Variants in EP400 observed in about 807,000 individuals in gnomAD.
The protein encoded by EP400 is E1A-binding protein p400.
In EP400, 105 loss-of-function variants were observed where a neutral mutation model predicts 354.1. That is an observed-to-expected ratio of 0.30 (90% confidence interval 0.25 to 0.35). The LOEUF (loss-of-function observed/expected upper bound fraction) is 0.35. Among genes scored for constraint, EP400 ranks in the 10% least tolerant of loss-of-function variants. The pLI, the probability that EP400 is intolerant of heterozygous loss-of-function variation, is 1.00. For synonymous variants in EP400, 1,646 were observed against 1,716.9 expected, an observed-to-expected ratio of 0.96 and a Z score of 1.02; for missense variants, 3,280 against 4,121.0, an observed-to-expected ratio of 0.80 and a Z score of 5.59.
chr12:132,024,939 G>A (rs909515653), intron 24 of EP400, among the ~76,000 whole-genome samples: 1 of 152,084 alleles, frequency 6.6e-6, no homozygotes, highest in Non-Finnish European at 1.5e-5. Flanking sequence ...CACTTGTCAG[G>A]GTGGAGGGTT....
In EP400 at chr12:132,052,941, C is replaced by A. The variant is rs1895352912; in HGVS notation, c.7395-205C>A. On this transcript the variant is annotated intron_variant, in intron 41 of 52. Transcript: ENST00000389561. The surrounding 1 kb of genome is among the most constrained non-coding windows in gnomAD (Gnocchi z 4.4). ...CCTGGAGAGTGGGAGAGCTCGGCCT[C>A]AAGGAAGAGGACTCAGCGCCAGGCT... 6.6e-6 allele frequency among the ~76,000 whole-genome samples: 1 copy of A among 151,992 alleles called. No individual in the cohort carries two copies. Among genetic ancestry groups the A allele is most frequent in the Non-Finnish European group, 1.5e-5 (1 of 67,998 alleles).
At chr12:132,032,690 G>C (rs1593361189) in intron 30 of EP400, among the ~76,000 whole-genome samples, 1 of 151,662 alleles carries the variant, frequency 6.6e-6, no homozygotes, top group Non-Finnish European at 1.5e-5. Flanking sequence ...TAGTGCAGTG[G>C]CACGATCTTG....
rs777957786 is a variant in EP400 at position 132,053,474 on chromosome 12, G to T, written c.7605G>T (p.Pro2535=). The change falls in exon 43 of 53, where the codon CCG becomes CCT. Residue 2535 remains proline (P), a synonymous_variant. Coordinates refer to ENST00000389561, the MANE Select transcript of EP400 (RefSeq NM_015409.5). Reference sequence around the variant, plus strand: ...AACCACAGGCAGCGGGCAGCCAGCCGCCAGCAGGGCCACCAGCTGTCCAGC... The same window carrying T: ...AACCACAGGCAGCGGGCAGCCAGCCTCCAGCAGGGCCACCAGCTGTCCAGC... ...LPQPQAAGSQ[P]PAGPPAVQPQ... The T allele has an allele frequency of 1.4e-6, 2 of 1,457,848 alleles. No individual in the cohort carries two copies. Among genetic ancestry groups the T allele is most frequent in the Admixed American group, 2.1e-5 (1 of 46,614 alleles). 90.3% of individuals were successfully genotyped at this position (1,457,848 alleles called of 1,614,324 possible).
chr12:131,986,526 A>T lies in EP400; in HGVS notation c.1942A>T (p.Thr648Ser), dbSNP rs370531052. The change falls in exon 6 of 53, where the codon ACA (threonine) becomes TCA (serine). Residue 648 changes from threonine (T) to serine (S), a missense_variant. Around this residue, in one of 20 missense-constraint regions of EP400, gnomAD observed 800 missense variants for 840.0 expected, o/e 0.95. Coordinates refer to ENST00000389561, the MANE Select transcript of EP400 (RefSeq NM_015409.5). ...CCTGCCCTTACAGATGGTAGCATCG[A>T]CAAGGCTCCCTGTGGACCCTGCCCC... ...LSSLPQMVAS[T>S]RLPVDPAPPC... 3.7e-6 allele frequency: 6 copies of T among 1,604,596 alleles called. No individual in the cohort carries two copies. The highest frequency in any genetic ancestry group is 5.1e-6 in the Non-Finnish European group (6 of 1,174,480).
rs199695029 is a variant in EP400, at chr12:131,982,329, G to A, written c.1780G>A (p.Val594Met). Residue 594 changes from valine (V) to methionine (M), a missense_variant, in exon 5 of 53, where the codon GTG (valine) becomes ATG (methionine). By Grantham distance (21) the Val-to-Met change is conservative. This residue lies in a region of EP400 where 800 missense variants were observed against 840.0 expected (regional missense o/e 0.95). Transcript: ENST00000389561. ...GGCCCAGACACAGCTCCAAATCCCG[G>A]TGAAGACTCAGCAGCCCAATGTTCC... ...VEAQTQLQIPVKTQQPNVPIP... is the reference protein window; with the variant it reads ...VEAQTQLQIPMKTQQPNVPIP... 4.6e-5 allele frequency: 74 copies of A among 1,614,130 alleles called. No individual in the cohort carries two copies. The highest frequency in any genetic ancestry group is 5.3e-5 in the Non-Finnish European group (62 of 1,180,014).
chr12:132,032,033 C>T lies in EP400; in HGVS notation c.5835C>T (p.Asn1945=). The change falls in exon 30 of 53, where the codon AAC becomes AAT. Residue 1945 remains asparagine (N), a synonymous_variant. Coordinates refer to ENST00000389561, the MANE Select transcript of EP400 (RefSeq NM_015409.5). The part of the protein sequence containing the change: ...LSTHSRTTGI[N]LVEADTVVFY... ...CTCACAGCCGTACCACAGGTATAAACCTTGTAGAGGCGGACACCGTCGTGT... is the reference window on the plus strand; with the variant it reads ...CTCACAGCCGTACCACAGGTATAAATCTTGTAGAGGCGGACACCGTCGTGT... The T allele has an allele frequency of 2.8e-5, 46 of 1,614,236 alleles. No homozygotes were observed. The highest frequency in any genetic ancestry group is 3.9e-5 in the Non-Finnish European group (46 of 1,180,048).
intron 2 of EP400, among the ~76,000 whole-genome samples, chr12:131,977,503 GTT>G (rs761582396): frequency 1.4e-5 from 2 of 142,174 alleles, no homozygotes; most frequent in African/African-American, 5.1e-5. Flanking sequence ...CCTTTATCAA[GTT>G]TTTTTTTTTT....
intron 12 of EP400, among the ~76,000 whole-genome samples, chr12:131,996,621 A>T (rs917475594): frequency 6.6e-6 from 1 of 152,070 alleles, no homozygotes; most frequent in Non-Finnish European, 1.5e-5. Context: ...AAACAATTAC[A>T]TATATATATC....
chr12:132,014,659 C>T (rs1893868127), intron 19 of EP400, among the ~76,000 whole-genome samples: 1 of 152,192 alleles, frequency 6.6e-6, no homozygotes, highest in African/African-American at 2.4e-5. Flanking sequence ...GGCTTTGCTG[C>T]AGGGTTACCC....
chr12:132,012,683 C>G (rs1402366320), intron 16 of EP400, among the ~76,000 whole-genome samples: 4 of 152,120 alleles, frequency 2.6e-5, no homozygotes, highest in Non-Finnish European at 4.4e-5. Context: ...GCACACTTCC[C>G]CTTGTTTTGA....
intron 11 of EP400, among the ~76,000 whole-genome samples, chr12:131,993,452 G>T (rs1321158491): frequency 1.3e-5 from 2 of 152,182 alleles, no homozygotes; most frequent in Middle Eastern, 3.2e-3. Flanking sequence ...AAAGGATTAG[G>T]TCATTTCTTC....
At chr12:132,056,905 A>G (rs144421468) in intron 45 of EP400, among the ~76,000 whole-genome samples, 1 of 152,378 alleles carries the variant, frequency 6.6e-6, no homozygotes, top group African/African-American at 2.4e-5. Flanking sequence ...CCAAGAAGCT[A>G]GAAGAATAAC....
At chr12:132,060,337 C>T (rs1257708832) in intron 45 of EP400, among the ~76,000 whole-genome samples, 1 of 152,110 alleles carries the variant, frequency 6.6e-6, no homozygotes, top group Non-Finnish European at 1.5e-5. Context: ...TGAGCAGAGT[C>T]AATATTTGAA....
intron 12 of EP400, among the ~76,000 whole-genome samples, chr12:131,995,959 A>G (rs1208001704): frequency 1.3e-5 from 2 of 151,818 alleles, no homozygotes; most frequent in African/African-American, 4.8e-5. Flanking sequence ...GCTTGACTGA[A>G]TGTACCGTTC....
chr12:131,954,768 C>T (rs1308065163), intron 1 of EP400, among the ~76,000 whole-genome samples: 1 of 148,514 alleles, frequency 6.7e-6, no homozygotes, highest in Non-Finnish European at 1.5e-5. Flanking sequence ...TGGTGTGTGC[C>T]TATAGTCCCA....
intron 9 of EP400, 127 bp from the exon 10 acceptor site, chr12:131,991,280 G>A (rs969810519): frequency 4.8e-6 from 4 of 840,286 alleles, no homozygotes; most frequent in Admixed American, 3.8e-5. Flanking sequence ...TGATGAGGAG[G>A]CAGAACTCAC....
chr12:132,042,950 T>A (rs1894963450), intron 32 of EP400, among the ~76,000 whole-genome samples: 1 of 152,216 alleles, frequency 6.6e-6, no homozygotes, highest in African/African-American at 2.4e-5. Context: ...GTGGTGTGCA[T>A]CGGGTCTGAG....
intron 30 of EP400, among the ~76,000 whole-genome samples, chr12:132,032,905 A>C (rs1894570662): frequency 6.6e-6 from 1 of 152,158 alleles, no homozygotes; most frequent in South Asian, 2.1e-4. Flanking sequence ...CTGGGATTAC[A>C]GGCATGAGCC....
chr12:132,033,040 T>C (rs546031884), intron 30 of EP400, among the ~76,000 whole-genome samples: 1 of 152,122 alleles, frequency 6.6e-6, no homozygotes. Context: ...CTCCACCTCC[T>C]GGGTTCAAGC....
Sources: gnomAD v4.1 joint callset for allele counts (sites outside exome capture counted in the v4.1 genomes callset) on GRCh38, gnomAD v4.1.1 for gene constraint, gnomAD v4.1.1 regional missense constraint, Gnocchi (gnomAD v3.1) non-coding constraint, MANE v1.5 for transcripts, NCBI Gene and HGNC (gene_info 2026-07-23, HGNC 2026-07-21) for gene names.